The following SHQ1 variants were observed in gnomAD, a reference collection of about 807,000 sequenced individuals.
SHQ1 encodes the protein SHQ1, H/ACA ribonucleoprotein assembly factor, also known as protein SHQ1 homolog.
SHQ1 carries 49 observed loss-of-function variants against 53.8 expected under a neutral mutation model. The ratio of observed to expected loss-of-function variants is 0.91; its 90% CI spans 0.72 to 1.16. SHQ1 has a LOEUF of 1.16. Ranked by LOEUF, SHQ1 falls within the 50% of genes most tolerant of loss-of-function variation. The pLI is 0.00. For missense variants in SHQ1, 738 were observed against 683.1 expected, an observed-to-expected ratio of 1.08 and a Z score of -0.90; for synonymous variants, 243 against 251.0, an observed-to-expected ratio of 0.97 and a Z score of 0.30.
intron 9 of SHQ1, among the ~76,000 whole-genome samples, chr3:72,802,591 CT>C: frequency 6.6e-6 from 1 of 152,162 alleles, no homozygotes; most frequent in Non-Finnish European, 1.5e-5. Context: ...ACATGGAACT[CT>C]TTTATATTCC....
At chr3:72,777,756 T>C (rs1423581186) in intron 10 of SHQ1, among the ~76,000 whole-genome samples, 1 of 152,224 alleles carries the variant, frequency 6.6e-6, no homozygotes, top group Non-Finnish European at 1.5e-5. Flanking sequence ...CGTATAGTGA[T>C]ATCTGCAGCA....
rs1705332289 is a variant in SHQ1, at chr3:72,750,117, C to T, written c.*167G>A. On this transcript the variant is annotated 3_prime_UTR_variant, in exon 11 of 11. Transcript: ENST00000325599. ...TTTGGTACAGATGCGATTTTTTCTT[C>T]AATATTTTTGATCTGCAGTTGGTTG... 8.0e-6 allele frequency: 5 copies of T among 621,284 alleles called. No homozygotes were observed. Among genetic ancestry groups the T allele is most frequent in the South Asian group, 6.3e-5 (3 of 47,392 alleles). 38.5% of individuals were successfully genotyped at this position (621,284 alleles called of 1,614,324 possible).
rs1377863095 is a variant in SHQ1, at chr3:72,825,297, G to A, written c.600-746C>T. On this transcript the variant is annotated intron_variant, in intron 5 of 10. Coordinates refer to ENST00000325599, the MANE Select transcript of SHQ1 (RefSeq NM_018130.3). ...AAAATTTTTGAACTCAACCAGCAAA[G>A]AAAAACAAGCAGATGAGTAGGAAAT... Among the ~76,000 whole-genome samples, 3 of 150,134 alleles carry A rather than the reference G, an allele frequency of 2.0e-5. No individual in the cohort carries two copies. In the Admixed American group the frequency reaches 2.0e-4, roughly 10 times the overall value.
At chr3:72,812,175 A>C (rs1575713281) in intron 9 of SHQ1, among the ~76,000 whole-genome samples, 1 of 152,226 alleles carries the variant, frequency 6.6e-6, no homozygotes, top group Non-Finnish European at 1.5e-5. Flanking sequence ...CTTTCTTGAC[A>C]TGCCGAATCT....
chr3:72,814,926 GT>G (rs888855736), intron 8 of SHQ1, among the ~76,000 whole-genome samples: 3 of 152,032 alleles, frequency 2.0e-5, no homozygotes, highest in African/African-American at 7.2e-5. Flanking sequence ...AATAGGTGAA[GT>G]TTTTTTACAT....
chr3:72,819,251 T>C (rs927187948), intron 6 of SHQ1, among the ~76,000 whole-genome samples: 1 of 152,210 alleles, frequency 6.6e-6, no homozygotes, highest in Non-Finnish European at 1.5e-5. Flanking sequence ...ATTTGCACTC[T>C]TATGAGTGAC....
chr3:72,783,477 C>T (rs542887987), intron 10 of SHQ1, among the ~76,000 whole-genome samples: 3 of 150,704 alleles, frequency 2.0e-5, no homozygotes, highest in African/African-American at 7.3e-5. Context: ...CACATGCCAT[C>T]ATGCCCAGTT....
intron 8 of SHQ1, among the ~76,000 whole-genome samples, chr3:72,813,548 G>C (rs1019663607): frequency 1.3e-5 from 2 of 150,682 alleles, no homozygotes; most frequent in Admixed American, 6.6e-5. Context: ...CGGACCACAA[G>C]GCCAGGAGAT....
chr3:72,748,971 G>GCGCA (rs1553687862), downstream of SHQ1, among the ~76,000 whole-genome samples: 7 of 144,170 alleles, frequency 4.9e-5, no homozygotes, highest in African/African-American at 1.2e-4. Context: ...ACACGCACAC[G>GCGCA]CACACACACA....
chr3:72,826,217 C>T (rs538978384), intron 5 of SHQ1, among the ~76,000 whole-genome samples: 3 of 152,300 alleles, frequency 2.0e-5, no homozygotes, highest in Admixed American at 1.3e-4. Context: ...TTCTCAATAA[C>T]AATTTCCAAC....
At chr3:72,753,112 G>C in intron 10 of SHQ1, 1 of 985,410 alleles carries the variant, frequency 1.0e-6, no homozygotes, top group Non-Finnish European at 1.2e-6. Flanking sequence ...CTCCAAAGAT[G>C]ACTACTATTC....
At chr3:72,839,726 T>G (rs1405008292) in intron 4 of SHQ1, among the ~76,000 whole-genome samples, 1 of 152,124 alleles carries the variant, frequency 6.6e-6, no homozygotes, top group Non-Finnish European at 1.5e-5. Flanking sequence ...AAATATGTCT[T>G]AAGATAATAA....
intron 5 of SHQ1, 82 bp from the exon 6 acceptor site, chr3:72,824,633 G>C (rs1246252963): frequency 1.4e-6 from 2 of 1,445,096 alleles, no homozygotes; most frequent in Non-Finnish European, 9.3e-7. Flanking sequence ...ACTCATATTT[G>C]TACTAGAAAT....
chr3:72,821,648 C>A (rs1407344311), intron 6 of SHQ1, among the ~76,000 whole-genome samples: 1 of 152,132 alleles, frequency 6.6e-6, no homozygotes, highest in Non-Finnish European at 1.5e-5. Flanking sequence ...ATCTGCCTGG[C>A]GACACCTGAT....
At chr3:72,836,306 G>A (rs1045657428) in intron 4 of SHQ1, among the ~76,000 whole-genome samples, 7 of 152,132 alleles carry the variant, frequency 4.6e-5, no homozygotes, top group African/African-American at 9.7e-5. Context: ...TGGCTAACAC[G>A]GTGAAACCCC....
At chr3:72,807,968 T>TAGG in intron 9 of SHQ1, among the ~76,000 whole-genome samples, 1 of 152,236 alleles carries the variant, frequency 6.6e-6, no homozygotes, top group Non-Finnish European at 1.5e-5. Flanking sequence ...TACTACCTGC[T>TAGG]AGGTAGCTAC....
At chr3:72,832,557 T>C (rs959392524) in intron 4 of SHQ1, 76 bp from the exon 5 acceptor site, 22 of 1,012,742 alleles carry the variant, frequency 2.2e-5, no homozygotes, top group Middle Eastern at 3.1e-4. Flanking sequence ...TTATACAAAA[T>C]GCCAAAGCAC....
At chr3:72,822,524 G>A (rs747634038) in intron 6 of SHQ1, among the ~76,000 whole-genome samples, 2 of 152,110 alleles carry the variant, frequency 1.3e-5, no homozygotes, top group South Asian at 2.1e-4. Context: ...CAAAGGGAAC[G>A]CCTTCTCTTG....
At chr3:72,796,372 T>G (rs966169728) in intron 9 of SHQ1, among the ~76,000 whole-genome samples, 1 of 152,046 alleles carries the variant, frequency 6.6e-6, no homozygotes, top group African/African-American at 2.4e-5. Context: ...GTCACATATT[T>G]AATGAGGATC....
Sources: gnomAD v4.1 joint callset for allele counts (sites outside exome capture counted in the v4.1 genomes callset) on GRCh38, gnomAD v4.1.1 for gene constraint, MANE v1.5 for transcripts, NCBI Gene and HGNC (gene_info 2026-07-23, HGNC 2026-07-21) for gene names.